Variants in XCR1 observed in about 807,000 individuals in gnomAD.
XCR1 encodes chemokine XC receptor 1.
For missense variants in XCR1, 356 were observed against 424.2 expected (o/e 0.84, Z 1.41); for synonymous variants, 187 against 188.5 (o/e 0.99, Z 0.06).
intron 1 of XCR1, among the ~76,000 whole-genome samples, chr3:46,082,720 C>T (rs1359628605): frequency 1.3e-5 from 2 of 151,922 alleles, no homozygotes; most frequent in South Asian, 4.1e-4. Flanking sequence ...AAACTCCTGG[C>T]CTTAAGTAAT....
intron 5 of XCR1, among the ~76,000 whole-genome samples, chr3:46,050,427 C>A (rs58972711): frequency 0.016 from 2,393 of 152,268 alleles, 72 homozygotes; most frequent in African/African-American, 0.054. Context: ...ATTAACAATA[C>A]TTCCTAAGTA....
intron 5 of XCR1, among the ~76,000 whole-genome samples, chr3:46,035,371 C>T (rs1378723019): frequency 6.6e-6 from 1 of 152,220 alleles, no homozygotes; most frequent in African/African-American, 2.4e-5. Context: ...GTTGCAGCAC[C>T]TGATTAAAGC....
At chr3:46,077,488 C>A (rs1011822640) in intron 1 of XCR1, among the ~76,000 whole-genome samples, 1 of 151,820 alleles carries the variant, frequency 6.6e-6, no homozygotes, top group Non-Finnish European at 1.5e-5. Context: ...TATGGTGAGT[C>A]ATGTATTTCA....
chr3:46,043,914 C>T lies in XCR1; in HGVS notation c.-32+10006G>A, dbSNP rs539821957. 5.9e-5 allele frequency among the ~76,000 whole-genome samples: 9 copies of T among 152,206 alleles called. No individual in the cohort carries two copies. In the East Asian group the frequency reaches 9.6e-4, roughly 16 times the overall value. Reference sequence around the variant, plus strand: ...TGGTTCCAATTTCTACACATTCTTGCCAACACTTGTTGTTTTCCACTTTTT... The same window carrying T: ...TGGTTCCAATTTCTACACATTCTTGTCAACACTTGTTGTTTTCCACTTTTT... On this transcript the variant is annotated intron_variant, in intron 5 of 5. Coordinates refer to the XCR1 transcript ENST00000683768.
intron 1 of XCR1, chr3:46,022,288 G>A: frequency 4.9e-6 from 1 of 203,216 alleles, no homozygotes; most frequent in South Asian, 1.6e-4. Context: ...CTAGGTGACA[G>A]AGAAAAACCA....
At chr3:46,085,328 G>A (rs888195612) in intron 1 of XCR1, among the ~76,000 whole-genome samples, 1 of 152,158 alleles carries the variant, frequency 6.6e-6, no homozygotes, top group African/African-American at 2.4e-5. Flanking sequence ...GGCACAAGGA[G>A]GCAAGTAACT....
intron 1 of XCR1, among the ~76,000 whole-genome samples, chr3:46,077,773 C>A: frequency 6.6e-6 from 1 of 152,104 alleles, no homozygotes; most frequent in East Asian, 1.9e-4. Context: ...TCTTTAAAAA[C>A]CTGCCTGAAT....
At chr3:46,048,552 C>T (rs1697677668) in intron 5 of XCR1, among the ~76,000 whole-genome samples, 1 of 152,132 alleles carries the variant, frequency 6.6e-6, no homozygotes, top group South Asian at 2.1e-4. Context: ...TGGTTGGCCA[C>T]CCTGGGTTCC....
chr3:46,021,447 G>A lies in XCR1; in HGVS notation c.501C>T (p.Phe167=), dbSNP rs369148627. The A allele has an allele frequency of 5.1e-5, 83 of 1,614,024 alleles. No individual in the cohort carries two copies. The highest frequency in any genetic ancestry group is 6.4e-5 in the Non-Finnish European group (75 of 1,180,022). Residue 167 remains phenylalanine (F), a synonymous_variant, in exon 2 of 2, where the codon TTC becomes TTT. Coordinates refer to ENST00000309285, the MANE Select transcript of XCR1 (RefSeq NM_001024644.2). This position sits in a 1 kb window ranked among gnomAD's most constrained non-coding sequence, Gnocchi z 4.7. ...SILSSILDTI[F]HKVLSSGCDY... is the part of the protein sequence containing the mutation. ...CACAGCCCGAAGAAAGCACCTTGTG[G>A]AAGATGGTGTCGAGGATGGAGGACA...
At chr3:46,073,780 C>A (rs143687985) in intron 3 of XCR1, among the ~76,000 whole-genome samples, 100 of 152,016 alleles carry the variant, frequency 6.6e-4, no homozygotes, top group Non-Finnish European at 1.2e-3. Context: ...CATGAATAGA[C>A]ATTTTAAAAG....
rs1469668543 is a variant in XCR1 at position 46,019,794 on chromosome 3, C to G, written c.*1152G>C. The G allele has an allele frequency of 2.6e-5, 4 of 152,162 alleles. No individual in the cohort carries two copies. Among genetic ancestry groups the G allele is most frequent in the Non-Finnish European group, 5.9e-5 (4 of 68,054 alleles). 9.4% of individuals were successfully genotyped at this position (152,162 alleles called of 1,614,324 possible). A position where few individuals can be genotyped will look rare whatever the true frequency, so the allele number is the denominator to read the frequency against. On this transcript the variant is annotated 3_prime_UTR_variant, in exon 2 of 2. Coordinates refer to ENST00000309285, the MANE Select transcript of XCR1 (RefSeq NM_001024644.2). ...AGGAGCCACTAAGGGTTTTGAAGCACCTGGTGTAAGGGCAGAGAACAGCCT... is the reference window on the plus strand; with the variant it reads ...AGGAGCCACTAAGGGTTTTGAAGCAGCTGGTGTAAGGGCAGAGAACAGCCT...
upstream of XCR1, among the ~76,000 whole-genome samples, chr3:46,031,617 A>G (rs991697200): frequency 6.6e-6 from 1 of 152,194 alleles, no homozygotes; most frequent in Non-Finnish European, 1.5e-5. Context: ...TCCTGGGCAG[A>G]AAGGGCCAGG....
intron 1 of XCR1, among the ~76,000 whole-genome samples, chr3:46,022,761 C>G (rs1475749433): frequency 2.0e-5 from 3 of 152,106 alleles, no homozygotes; most frequent in Admixed American, 6.5e-5. Context: ...AAACAAAATC[C>G]AGAGTCTACA....
rs112376309 is a variant in XCR1 at position 46,067,513 on chromosome 3, A to T, written c.-262-535T>A. Among the ~76,000 whole-genome samples the T allele has an allele frequency of 1.2e-3, 179 of 152,270 alleles. 1 individual carries two copies. Among genetic ancestry groups the T allele is most frequent in the Middle Eastern group, 6.8e-3 (2 of 294 alleles). On this transcript the variant is annotated intron_variant, in intron 3 of 5. Transcript: ENST00000683768. Reference sequence around the variant, plus strand: ...CCATGCCTTCAGTTCTGGCCAGCTCATGTCACCCATAGCACATTCTTACCA... The same window carrying T: ...CCATGCCTTCAGTTCTGGCCAGCTCTTGTCACCCATAGCACATTCTTACCA...
In XCR1 at chr3:46,017,201, G is replaced by A. The variant is rs1374733776; in HGVS notation, c.*3745C>T. ...TATAGGTGAGGAAACTGAGCCTTGA[G>A]AGGCCCAAGGTCACAGTGGGAAAGA... On this transcript the variant is annotated 3_prime_UTR_variant, in exon 2 of 2. Coordinates refer to ENST00000309285, the MANE Select transcript of XCR1 (RefSeq NM_001024644.2). The A allele has an allele frequency of 1.3e-5, 2 of 152,196 alleles. No individual in the cohort carries two copies. The highest frequency in any genetic ancestry group is 2.4e-5 in the African/African-American group (1 of 41,436). 9.4% of individuals were successfully genotyped at this position (152,196 alleles called of 1,614,324 possible). A position where few individuals can be genotyped will look rare whatever the true frequency, so the allele number is the denominator to read the frequency against.
upstream of XCR1, among the ~76,000 whole-genome samples, chr3:46,030,377 T>C (rs2125895512): frequency 6.6e-6 from 1 of 152,336 alleles, no homozygotes; most frequent in East Asian, 1.9e-4. Flanking sequence ...CATGAAATGA[T>C]GTTGGGTTTT....
intron 1 of XCR1, among the ~76,000 whole-genome samples, chr3:46,025,090 G>C (rs924745494): frequency 6.6e-6 from 1 of 152,014 alleles, no homozygotes; most frequent in African/African-American, 2.4e-5. Flanking sequence ...AAGAATAAAC[G>C]TCTAAAATCT....
At chr3:46,038,307 C>T (rs115460958) in intron 5 of XCR1, among the ~76,000 whole-genome samples, 1,647 of 152,136 alleles carry the variant, frequency 0.011, 33 homozygotes, top group African/African-American at 0.037. Context: ...CATGAACCAC[C>T]GTGCCTGGCC....
intron 5 of XCR1, among the ~76,000 whole-genome samples, chr3:46,036,046 G>A (rs1697425175): frequency 6.6e-6 from 1 of 152,212 alleles, no homozygotes; most frequent in South Asian, 2.1e-4. Context: ...CTGTGTTTTG[G>A]TGATTGTGTG....
Sources: gnomAD v4.1 joint callset for allele counts (sites outside exome capture counted in the v4.1 genomes callset) on GRCh38, gnomAD v4.1.1 for gene constraint, Gnocchi (gnomAD v3.1) non-coding constraint, MANE v1.5 for transcripts, NCBI Gene and HGNC (gene_info 2026-07-23, HGNC 2026-07-21) for gene names.